IFT88: variants seen among roughly 807,000 people sequenced by gnomAD.
IFT88 encodes the protein intraflagellar transport protein 88 homolog.
IFT88 carries 74 observed loss-of-function variants against 119.5 expected under a neutral mutation model. The observed-to-expected ratio is 0.62, with a 90% CI of 0.51 to 0.75. IFT88 has a LOEUF of 0.75. Among genes scored for constraint, IFT88 ranks in the 30% least tolerant of loss-of-function variants. The pLI is 0.00. For synonymous variants in IFT88, 279 were observed against 316.7 expected, an observed-to-expected ratio of 0.88 and a Z score of 1.26; for missense variants, 961 against 977.7, an observed-to-expected ratio of 0.98 and a Z score of 0.23.
At chr13:20,589,326 C>T (rs2040264998) in intron 3 of IFT88, among the ~76,000 whole-genome samples, 1 of 152,098 alleles carries the variant, frequency 6.6e-6, no homozygotes, top group Admixed American at 6.6e-5. Context: ...CGATGTGCTC[C>T]TATTTGATTC....
chr13:20,618,919 C>T (rs1287068831), intron 14 of IFT88, among the ~76,000 whole-genome samples: 2 of 149,358 alleles, frequency 1.3e-5, no homozygotes, highest in African/African-American at 2.5e-5. Flanking sequence ...TGCAGTGGTG[C>T]AATCTCGGCT....
At chr13:20,592,487 TG>T (rs2040853481) in intron 7 of IFT88, 83 bp downstream of exon 7, 1 of 1,022,300 alleles carries the variant, frequency 9.8e-7, no homozygotes, top group Non-Finnish European at 1.5e-6. Context: ...TTTTTTTTTT[TG>T]AGATGATATC....
Position 20,682,643 on chromosome 13 carries a change from C to T in IFT88, c.2243-8062C>T, listed in dbSNP as rs185735669. ...ATTTTGTCAGGACCTATAATTAAAC[C>T]GGCTCGAGAAATCGAGTTTTGTAAG... On this transcript the variant is annotated intron_variant, in intron 24 of 25. Coordinates refer to ENST00000351808, the MANE Select transcript of IFT88 (RefSeq NM_006531.5). Among the ~76,000 whole-genome samples, 37 of 152,278 alleles carry T rather than the reference C, an allele frequency of 2.4e-4. 1 individual carries two copies. The highest frequency in any genetic ancestry group is 1.7e-3 in the East Asian group (9 of 5,192).
At chr13:20,638,170 A>T (rs2049312832) in intron 16 of IFT88, among the ~76,000 whole-genome samples, 162 bp from the exon 17 acceptor site, 1 of 152,232 alleles carries the variant, frequency 6.6e-6, no homozygotes, top group African/African-American at 2.4e-5. Context: ...CTGATAAGTA[A>T]AACTCTATGT....
At position 20,581,714 on chromosome 13, in the gene IFT88, G is replaced by T. The variant is rs569978140; in HGVS notation, c.91-1243G>T. ...AAAAAAATACAAAAATTAGCAGGTT[G>T]TGGTAGTGTGTGCCTGTAGTCCCAG... On this transcript the variant is annotated intron_variant, in intron 2 of 25. Coordinates refer to ENST00000351808, the MANE Select transcript of IFT88 (RefSeq NM_006531.5). 2.0e-5 allele frequency among the ~76,000 whole-genome samples: 3 copies of T among 152,114 alleles called. No individual in the cohort carries two copies. The South Asian group carries it at 6.2e-4, about 32-fold the overall frequency.
chr13:20,571,137 G>T (rs1307448647), intron 1 of IFT88, among the ~76,000 whole-genome samples: 1 of 152,058 alleles, frequency 6.6e-6, no homozygotes, highest in Non-Finnish European at 1.5e-5. Context: ...GGGATTACAG[G>T]TGCCTGCTAT....
chr13:20,571,168 G>A (rs2036287588), intron 1 of IFT88, among the ~76,000 whole-genome samples: 2 of 151,630 alleles, frequency 1.3e-5, no homozygotes, highest in African/African-American at 4.8e-5. Context: ...TAATTTTTTT[G>A]TATTTTTAGT....
At chr13:20,577,954 A>G (rs1296851875) in intron 2 of IFT88, among the ~76,000 whole-genome samples, 1 of 151,410 alleles carries the variant, frequency 6.6e-6, no homozygotes, top group East Asian at 1.9e-4. Context: ...AATGTCTGGT[A>G]AAATTCAGCA....
intron 15 of IFT88, among the ~76,000 whole-genome samples, 194 bp downstream of exon 15, chr13:20,626,043 C>CTT (rs528587128): frequency 7.6e-5 from 3 of 39,574 alleles, no homozygotes; most frequent in African/African-American, 3.5e-4. Flanking sequence ...TTTGTCGTTT[C>CTT]TTTTTTTTTT....
chr13:20,567,201 A>C lies in IFT88; in HGVS notation c.-62A>C, dbSNP rs1224937785. 2 of 152,250 alleles carry C rather than the reference A, an allele frequency of 1.3e-5. No homozygotes were observed. The highest frequency in any genetic ancestry group is 2.9e-5 in the Non-Finnish European group (2 of 68,120). 9.4% of individuals were successfully genotyped at this position (152,250 alleles called of 1,614,324 possible). A position where few individuals can be genotyped will look rare whatever the true frequency, so the allele number is the denominator to read the frequency against. ...AACGGCTCGGCGTCGCGCTTTGGCC[A>C]ACCGCTGCGTCGTCCCTGGGCCCGA... is the stretch of plus-strand genomic sequence containing the variant. On this transcript the variant is annotated 5_prime_UTR_variant, in exon 1 of 26. Coordinates refer to ENST00000351808, the MANE Select transcript of IFT88 (RefSeq NM_006531.5).
At chr13:20,604,268 G>GT (rs2043064361) in intron 12 of IFT88, among the ~76,000 whole-genome samples, 1 of 151,934 alleles carries the variant, frequency 6.6e-6, no homozygotes, top group African/African-American at 2.4e-5. Context: ...CAAAAAAAAT[G>GT]TATGTGAAAG....
chr13:20,615,642 C>T (rs2139654508), intron 13 of IFT88, 151 bp from the exon 14 acceptor site: 3 of 429,658 alleles, frequency 7.0e-6, no homozygotes, highest in South Asian at 9.9e-5. Flanking sequence ...AAACCTGAAT[C>T]GTAAATAGAT....
intron 2 of IFT88, among the ~76,000 whole-genome samples, chr13:20,578,031 C>CTTTT (rs1566055004): frequency 1.7e-5 from 1 of 59,824 alleles, no homozygotes; most frequent in African/African-American, 5.1e-5. Flanking sequence ...AGTCTTGTTA[C>CTTTT]TTCTTTTTTT....
intron 16 of IFT88, 101 bp downstream of exon 16, chr13:20,631,203 G>A: frequency 1.3e-6 from 1 of 788,740 alleles, no homozygotes; most frequent in Non-Finnish European, 2.2e-6. Context: ...GAATATTGGT[G>A]GAGAATGGTA....
chr13:20,584,732 A>G (rs1566078661), intron 3 of IFT88, among the ~76,000 whole-genome samples: 1 of 152,218 alleles, frequency 6.6e-6, no homozygotes, highest in Non-Finnish European at 1.5e-5. Flanking sequence ...AAGTAGAGAA[A>G]GTTCTATCCC....
In IFT88 at chr13:20,638,338, G is replaced by A; in HGVS notation, c.1393G>A (p.Asp465Asn). 1 of 1,344,964 alleles carries A rather than the reference G, an allele frequency of 7.4e-7. No individual in the cohort carries two copies. Among genetic ancestry groups the A allele is most frequent in the Non-Finnish European group, 9.6e-7 (1 of 1,038,234 alleles). The allele number at this position is 1,344,964 out of a possible 1,614,324, so 83.3% of individuals were successfully genotyped here. ...GTATATGTATTTTACTTAGGGAAAGGATTTTGCACAAGCCAGCAGCTATGC... is the reference window on the plus strand; with the variant it reads ...GTATATGTATTTTACTTAGGGAAAGAATTTTGCACAAGCCAGCAGCTATGC... ...NLSALYYMGK[D>N]FAQASSYADI... The change falls in exon 17 of 26, where the codon GAT (aspartate) becomes AAT (asparagine). Residue 465 changes from aspartate (D) to asparagine (N), a missense_variant. By Grantham distance (23) the Asp-to-Asn change is conservative. Transcript: ENST00000351808.
At position 20,644,823 on chromosome 13, in the gene IFT88, A is replaced by G. The variant is rs373553285; in HGVS notation, c.1834-20A>G. ...GTTGCCATTGAAGTTGTATTGTTAC[A>G]TTCCATATTTGTTTTACAGTCATAT... On this transcript the variant is annotated intron_variant, in intron 19 of 25. Coordinates refer to ENST00000351808, the MANE Select transcript of IFT88 (RefSeq NM_006531.5). 158 of 1,039,672 alleles carry G rather than the reference A, an allele frequency of 1.5e-4. 1 individual carries two copies. In the African/African-American group the frequency reaches 2.2e-3, roughly 14 times the overall value. The allele number at this position is 1,039,672 out of a possible 1,614,324, so 64.4% of individuals were successfully genotyped here.
At chr13:20,655,058 G>A (rs915739119) in intron 21 of IFT88, among the ~76,000 whole-genome samples, 1 of 152,050 alleles carries the variant, frequency 6.6e-6, no homozygotes, top group South Asian at 2.1e-4. Flanking sequence ...ACCCAAATTC[G>A]TTTTTCCTAT....
chr13:20,640,345 A>G (rs1041337235), intron 17 of IFT88, among the ~76,000 whole-genome samples: 2 of 150,972 alleles, frequency 1.3e-5, no homozygotes, highest in African/African-American at 4.9e-5. Flanking sequence ...GGGCCAAGGC[A>G]GGCGGATCAT....
Sources: allele counts gnomAD v4.1 joint callset (sites outside exome capture counted in the v4.1 genomes callset), GRCh38; gene constraint gnomAD v4.1.1; transcripts MANE v1.5; gene names NCBI Gene and HGNC (gene_info 2026-07-23, HGNC 2026-07-21).